Variants in CCSER1 observed in about 807,000 individuals in gnomAD.
CCSER1 encodes serine-rich coiled-coil domain-containing protein 1.
In CCSER1, 41 loss-of-function variants were observed where a neutral mutation model predicts 82.0. That is an observed-to-expected ratio of 0.50 (90% CI 0.39 to 0.65). The LOEUF (loss-of-function observed/expected upper bound fraction) is 0.65, where lower values mean the gene tolerates loss of function less well. CCSER1 is among the 30% of genes least tolerant of loss of function. The pLI, the probability that CCSER1 is intolerant of heterozygous loss-of-function variation, is 0.00. For missense variants in CCSER1, 1,119 were observed against 1,064.2 expected (o/e 1.05, Z -0.72); for synonymous variants, 414 against 383.9 (o/e 1.08, Z -0.92).
intron 9 of CCSER1, among the ~76,000 whole-genome samples, chr4:90,931,232 A>G (rs1211647724): frequency 2.0e-5 from 3 of 151,512 alleles, no homozygotes; most frequent in South Asian, 4.1e-4. Context: ...CTTTTATTTG[A>G]TGTATTATTC....
chr4:91,500,246 G>A (rs1759137769), intron 10 of CCSER1, among the ~76,000 whole-genome samples: 4 of 151,920 alleles, frequency 2.6e-5, no homozygotes, highest in Admixed American at 2.6e-4. Context: ...CATGTCATAT[G>A]CTTACTTGCC....
chr4:90,860,048 A>G (rs1764892645), intron 8 of CCSER1, among the ~76,000 whole-genome samples: 1 of 151,708 alleles, frequency 6.6e-6, no homozygotes, highest in South Asian at 2.1e-4. Flanking sequence ...ATTAAAGATG[A>G]CTATCAAGAA....
At chr4:91,560,035 C>CTGA (rs1762582123) in intron 10 of CCSER1, among the ~76,000 whole-genome samples, 1 of 151,228 alleles carries the variant, frequency 6.6e-6, no homozygotes, top group South Asian at 2.1e-4. Flanking sequence ...AGTAGGTAAA[C>CTGA]TGATTGGATA....
chr4:91,403,529 G>A (rs1434770100), intron 10 of CCSER1, among the ~76,000 whole-genome samples: 1 of 152,122 alleles, frequency 6.6e-6, no homozygotes, highest in Non-Finnish European at 1.5e-5. Context: ...TTGGCTGTGG[G>A]TTTGTCATAA....
At chr4:91,543,435 G>A (rs926471888) in intron 10 of CCSER1, among the ~76,000 whole-genome samples, 3 of 152,150 alleles carry the variant, frequency 2.0e-5, no homozygotes, top group Non-Finnish European at 2.9e-5. Context: ...TGCAGTGGCT[G>A]GTACCGGTTG....
intron 8 of CCSER1, among the ~76,000 whole-genome samples, chr4:90,915,326 T>C (rs1235677929): frequency 6.6e-6 from 1 of 152,178 alleles, no homozygotes; most frequent in Non-Finnish European, 1.5e-5. Context: ...CATGATCAAG[T>C]AGGCTTCATC....
intron 9 of CCSER1, among the ~76,000 whole-genome samples, chr4:90,982,388 G>T (rs539027757): frequency 2.6e-5 from 4 of 151,810 alleles, no homozygotes; most frequent in Admixed American, 2.0e-4. Flanking sequence ...GGGGTGTAGG[G>T]TTTCCACATA....
chr4:91,473,341 G>A (rs1223626778), intron 10 of CCSER1, among the ~76,000 whole-genome samples: 1 of 152,142 alleles, frequency 6.6e-6, no homozygotes, highest in African/African-American at 2.4e-5. Context: ...TTGCACAGTT[G>A]ACATCATTTC....
At chr4:90,623,114 G>GC (rs1722651380) in intron 5 of CCSER1, among the ~76,000 whole-genome samples, 1 of 144,644 alleles carries the variant, frequency 6.9e-6, no homozygotes, top group African/African-American at 2.6e-5. Flanking sequence ...TGCAAGCTTC[G>GC]CCCCCCAGGT....
intron 8 of CCSER1, among the ~76,000 whole-genome samples, chr4:90,898,477 G>C (rs1372142683): frequency 6.7e-6 from 1 of 148,778 alleles, no homozygotes; most frequent in South Asian, 2.2e-4. Flanking sequence ...TAGTAGAGAC[G>C]GGGTTTCACT....
chr4:91,571,162 A>G (rs1471898484), intron 10 of CCSER1, among the ~76,000 whole-genome samples: 1 of 152,194 alleles, frequency 6.6e-6, no homozygotes, highest in Non-Finnish European at 1.5e-5. Context: ...AAGCCATTCA[A>G]CAAGTCTCTA....
chr4:91,137,065 G>C (rs184705354), intron 10 of CCSER1, among the ~76,000 whole-genome samples: 48 of 148,006 alleles, frequency 3.2e-4, no homozygotes, highest in African/African-American at 1.1e-3. Context: ...CATTGTGCAG[G>C]TTAGTTACAT....
chr4:91,486,205 A>T (rs1040687468), intron 10 of CCSER1, among the ~76,000 whole-genome samples: 3 of 151,970 alleles, frequency 2.0e-5, no homozygotes, highest in Admixed American at 2.0e-4. Flanking sequence ...TTATTTTGTA[A>T]TATCAATTGT....
chr4:90,770,136 T>C (rs1751849382), intron 7 of CCSER1, among the ~76,000 whole-genome samples: 1 of 152,108 alleles, frequency 6.6e-6, no homozygotes, highest in Non-Finnish European at 1.5e-5. Flanking sequence ...TGAGTGAATT[T>C]AGAAAATGAT....
chr4:91,271,745 T>G (rs184718693), intron 10 of CCSER1, among the ~76,000 whole-genome samples: 1 of 152,154 alleles, frequency 6.6e-6, no homozygotes, highest in Admixed American at 6.5e-5. Flanking sequence ...CACATATATA[T>G]ATCACAGTTT....
At chr4:90,491,523 G>A (rs1000292635) in intron 5 of CCSER1, among the ~76,000 whole-genome samples, 11 of 152,062 alleles carry the variant, frequency 7.2e-5, no homozygotes, top group Non-Finnish European at 1.0e-4. Flanking sequence ...TCTCCTGCCT[G>A]ATTGCCCTGG....
chr4:91,537,366 T>A (rs1433438729), intron 10 of CCSER1, among the ~76,000 whole-genome samples: 2 of 152,078 alleles, frequency 1.3e-5, no homozygotes, highest in African/African-American at 4.8e-5. Flanking sequence ...AAATTAATTT[T>A]AAAAAAGTAT....
At chr4:90,744,077 G>A (rs1455173114) in intron 7 of CCSER1, among the ~76,000 whole-genome samples, 1 of 152,164 alleles carries the variant, frequency 6.6e-6, no homozygotes, top group Non-Finnish European at 1.5e-5. Context: ...GGTACTGGGG[G>A]CTGGGAATAT....
At chr4:90,567,877 A>C (rs1779595686) in intron 5 of CCSER1, among the ~76,000 whole-genome samples, 1 of 152,084 alleles carries the variant, frequency 6.6e-6, no homozygotes, top group Non-Finnish European at 1.5e-5. Context: ...AAAGTGCTGG[A>C]ATCATAGGCA....
Sources: gnomAD v4.1 joint callset for allele counts (sites outside exome capture counted in the v4.1 genomes callset) on GRCh38, gnomAD v4.1.1 for gene constraint, MANE v1.5 for transcripts, NCBI Gene and HGNC (gene_info 2026-07-23, HGNC 2026-07-21) for gene names.